Variants in CCDC91 observed in about 807,000 individuals in gnomAD.
CCDC91 encodes coiled-coil domain-containing protein 91.
In CCDC91, 48 loss-of-function variants were observed where a neutral mutation model predicts 63.2. That is an observed-to-expected ratio of 0.76 (90% CI 0.60 to 0.97). The LOEUF (loss-of-function observed/expected upper bound fraction) is 0.97. Ranked by LOEUF, CCDC91 falls within the 50% of genes least tolerant of loss-of-function variation. CCDC91 has a pLI of 0.00. For synonymous variants in CCDC91, 167 were observed against 165.8 expected (o/e 1.01, Z -0.06); for missense variants, 500 against 494.6 (o/e 1.01, Z -0.10).
chr12:28,426,331 C>G (rs988457739), intron 8 of CCDC91, among the ~76,000 whole-genome samples: 1 of 152,118 alleles, frequency 6.6e-6, no homozygotes, highest in Non-Finnish European at 1.5e-5. Flanking sequence ...CCCTGAGCTT[C>G]CTGAATCTGT....
Position 28,496,082 on chromosome 12 carries a change from C to T in CCDC91, c.1215+11917C>T, listed in dbSNP as rs769672968. On this transcript the variant is annotated intron_variant, in intron 12 of 12. Transcript: ENST00000536442. ...GGGTTCTTCTTTTAAATAACAGAAG[C>T]TGCTTTCATCTGACTAAGCAGCAGA... 4.2e-4 allele frequency among the ~76,000 whole-genome samples: 63 copies of T among 151,590 alleles called. 1 individual carries two copies. Among genetic ancestry groups the T allele is most frequent in the Non-Finnish European group, 8.9e-5 (6 of 67,788 alleles).
At chr12:28,479,510 T>G (rs182674338) in intron 11 of CCDC91, among the ~76,000 whole-genome samples, 144 of 152,226 alleles carry the variant, frequency 9.5e-4, no homozygotes, top group African/African-American at 3.2e-3. Context: ...ATATACCTAA[T>G]GTAAATGACG....
intron 7 of CCDC91, among the ~76,000 whole-genome samples, chr12:28,369,784 C>T (rs1456300753): frequency 1.3e-5 from 2 of 152,242 alleles, no homozygotes; most frequent in East Asian, 3.9e-4. Flanking sequence ...TGTGCACCTG[C>T]AGTGCCAACA....
At chr12:28,487,643 C>T (rs1951795749) in intron 12 of CCDC91, among the ~76,000 whole-genome samples, 1 of 151,242 alleles carries the variant, frequency 6.6e-6, no homozygotes, top group Non-Finnish European at 1.5e-5. Context: ...CCTTTCCCTT[C>T]TCCAGGTTTT....
chr12:28,296,138 T>A (rs1450714312), intron 3 of CCDC91, among the ~76,000 whole-genome samples: 1 of 151,530 alleles, frequency 6.6e-6, no homozygotes, highest in Non-Finnish European at 1.5e-5. Context: ...TTTTTTAAAT[T>A]TTATTTTTTA....
At chr12:28,201,586 G>T (rs28687220) in intron 1 of CCDC91, among the ~76,000 whole-genome samples, 1 of 146,700 alleles carries the variant, frequency 6.8e-6, no homozygotes, top group Non-Finnish European at 1.5e-5. Context: ...CCAGGCGATG[G>T]GCGGCCAGGC....
intron 1 of CCDC91, among the ~76,000 whole-genome samples, chr12:28,231,307 T>C (rs1346210483): frequency 6.6e-6 from 1 of 152,224 alleles, no homozygotes; most frequent in African/African-American, 2.4e-5. Flanking sequence ...TCCAAACTTC[T>C]GGGGCCAAAT....
In CCDC91 at chr12:28,391,331, C is replaced by A; in HGVS notation, c.682C>A (p.Gln228Lys). ...ACTACTGCAGTCTTCAGTTAAGCAA[C>A]AAGTAGAAGCTATTGAAAAACAGTA... Reference protein sequence around the residue: ...KALLQSSVKQQVEAIEKQYIS... With the variant: ...KALLQSSVKQKVEAIEKQYIS... The change falls in exon 8 of 13, where the codon CAA becomes AAA. Residue 228 changes from glutamine to lysine, a missense_variant. Gln to Lys is a moderately conservative substitution (Grantham distance 53, BLOSUM62 1). Coordinates refer to ENST00000536442, the MANE Select transcript of CCDC91 (RefSeq NM_018318.5). The A allele has an allele frequency of 6.2e-7, 1 of 1,612,578 alleles. No homozygotes were observed. Among genetic ancestry groups the A allele is most frequent in the South Asian group, 1.1e-5 (1 of 91,000 alleles).
intron 11 of CCDC91, among the ~76,000 whole-genome samples, chr12:28,454,740 T>C (rs960031022): frequency 1.3e-5 from 2 of 152,148 alleles, no homozygotes; most frequent in African/African-American, 4.8e-5. Context: ...TCCAACTTTC[T>C]TCCCACCAGA....
At chr12:28,484,219 C>T (rs768669482) in intron 12 of CCDC91, 54 bp downstream of exon 12, 2 of 901,756 alleles carry the variant, frequency 2.2e-6, no homozygotes, top group South Asian at 3.3e-5. Flanking sequence ...GAATCAGTGA[C>T]TTCCATACAA....
At chr12:28,400,200 C>T (rs946669030) in intron 8 of CCDC91, among the ~76,000 whole-genome samples, 20 of 152,322 alleles carry the variant, frequency 1.3e-4, no homozygotes, top group Middle Eastern at 3.4e-3. Flanking sequence ...TTTCTGTGCA[C>T]CTGCATGCTC....
intron 12 of CCDC91, among the ~76,000 whole-genome samples, chr12:28,490,391 T>C (rs1951937475): frequency 6.6e-6 from 1 of 151,880 alleles, no homozygotes; most frequent in Non-Finnish European, 1.5e-5. Context: ...CATTTTTTGA[T>C]GCCAAAGGGA....
chr12:28,253,287 A>C (rs771358774), intron 1 of CCDC91, among the ~76,000 whole-genome samples: 1 of 152,110 alleles, frequency 6.6e-6, no homozygotes, highest in Admixed American at 6.5e-5. Context: ...TTGGTTGCTG[A>C]GTAGTGAAAG....
At chr12:28,264,585 C>CTGTATGTGTGTGTGTG (rs1555169638) in intron 3 of CCDC91, among the ~76,000 whole-genome samples, 18,386 of 137,106 alleles carry the variant, frequency 0.13, 1,710 homozygotes, top group Non-Finnish European at 0.2. Context: ...ATATGTCTGT[C>CTGTATGTGTGTGTGTG]TGTGTGTGTG....
intron 12 of CCDC91, among the ~76,000 whole-genome samples, chr12:28,524,434 C>A (rs1368196270): frequency 1.3e-5 from 2 of 152,136 alleles, no homozygotes; most frequent in African/African-American, 4.8e-5. Context: ...ACTATCCCTG[C>A]ATCCCTGGTA....
chr12:28,236,493 A>G (rs1944958428), intron 1 of CCDC91: 1 of 151,996 alleles, frequency 6.6e-6, no homozygotes, highest in African/African-American at 2.4e-5. Context: ...ATGGTAATAT[A>G]TCTTTTCTTC....
At chr12:28,506,972 G>A (rs1938805925) in intron 12 of CCDC91, among the ~76,000 whole-genome samples, 1 of 151,770 alleles carries the variant, frequency 6.6e-6, no homozygotes, top group Non-Finnish European at 1.5e-5. Flanking sequence ...CAAGCTTTGG[G>A]AATAAAAGTT....
intron 8 of CCDC91, among the ~76,000 whole-genome samples, chr12:28,434,319 T>A (rs1948781752): frequency 6.6e-6 from 1 of 151,686 alleles, no homozygotes. Flanking sequence ...AAAAAAATCA[T>A]GAATACCGAT....
rs75144140 is a variant in CCDC91 at position 28,210,170 on chromosome 12, A to G, written c.-15+19529A>G. On this transcript the variant is annotated intron_variant, in intron 1 of 12. Coordinates refer to ENST00000536442, the MANE Select transcript of CCDC91 (RefSeq NM_018318.5). ...AGCTAGGGAACTTGGCTAATTCCAT[A>G]TGTCCCCAGGGCTTTAAAGTCAAGG... Among the ~76,000 whole-genome samples the G allele has an allele frequency of 3.9e-3, 600 of 152,314 alleles. 2 individuals carry two copies. Among genetic ancestry groups the G allele is most frequent in the African/African-American group, 0.013 (559 of 41,572 alleles).
Sources: allele counts gnomAD v4.1 joint callset (sites outside exome capture counted in the v4.1 genomes callset), GRCh38; gene constraint gnomAD v4.1.1; transcripts MANE v1.5; gene names NCBI Gene and HGNC (gene_info 2026-07-23, HGNC 2026-07-21).